Variants in ITPR3 observed in about 807,000 individuals in gnomAD.
ITPR3 encodes the protein inositol 1,4,5-trisphosphate-gated calcium channel ITPR3.
In ITPR3, 173 loss-of-function variants were observed where a neutral mutation model predicts 293.2. That is an observed-to-expected ratio of 0.59 (90% CI 0.52 to 0.67). ITPR3 has a LOEUF of 0.67. Among genes scored for constraint, ITPR3 ranks in the 30% least tolerant of loss-of-function variants. The pLI, the probability that ITPR3 is intolerant of heterozygous loss-of-function variation, is 0.00. For synonymous variants in ITPR3, 1,295 were observed against 1,444.4 expected, an observed-to-expected ratio of 0.90 and a Z score of 2.35; for missense variants, 2,796 against 3,592.1, an observed-to-expected ratio of 0.78 and a Z score of 5.66.
chr6:33,622,177 T>G (rs1763453807), intron 1 of ITPR3, among the ~76,000 whole-genome samples: 1 of 152,156 alleles, frequency 6.6e-6, no homozygotes, highest in Non-Finnish European at 1.5e-5. Flanking sequence ...GCTCTCTCCC[T>G]GTTCTTCCCA....
rs774345255 is a variant in ITPR3 at position 33,667,187 on chromosome 6, G to T, written c.1610G>T (p.Arg537Leu). 6.8e-6 allele frequency: 11 copies of T among 1,614,036 alleles called. 1 individual carries two copies. Among genetic ancestry groups the T allele is most frequent in the Middle Eastern group, 3.3e-4 (2 of 6,076 alleles). Residue 537 changes from arginine to leucine, a missense_variant, in exon 15 of 58, where the codon CGG becomes CTG. Transcript: ENST00000605930. The surrounding 1 kb of genome is among the most constrained non-coding windows in gnomAD (Gnocchi z 4.4). ...REKGGEGPLV[R>L]LEELSDQKNA... ...AAGGGGGGTGAAGGTCCCCTGGTGC[G>T]GCTGGAGGAGCTGTCAGACCAGAAG...
intron 51 of ITPR3, 84 bp from the exon 52 acceptor site, chr6:33,690,833 C>A: frequency 7.7e-7 from 1 of 1,293,400 alleles, no homozygotes; most frequent in Non-Finnish European, 1.1e-6. Flanking sequence ...CCCAGGCAGC[C>A]CTCAGGGTTC....
In ITPR3 at chr6:33,687,211, G is replaced by A. The variant is rs773909361; in HGVS notation, c.6076-15G>A. The A allele has an allele frequency of 6.2e-7, 1 of 1,604,268 alleles. No individual in the cohort carries two copies. Among genetic ancestry groups the A allele is most frequent in the Non-Finnish European group, 8.5e-7 (1 of 1,171,374 alleles). On this transcript the variant is annotated splice_polypyrimidine_tract_variant and intron_variant, in intron 44 of 57. Transcript: ENST00000605930. The surrounding 1 kb of genome is among the most constrained non-coding windows in gnomAD (Gnocchi z 5.3). ...CCCTAGGAAGAGAGCATTGGAACAG[G>A]CACTGCCCCTCCAGGTGGACGTCAT... is the stretch of plus-strand genomic sequence containing the variant.
rs750441691 is a variant in ITPR3, at chr6:33,658,739, G to A, written c.439G>A (p.Ala147Thr). Residue 147 changes from alanine to threonine, a missense_variant, in exon 5 of 58, where the codon GCC becomes ACC. Transcript: ENST00000605930. This position sits in a 1 kb window ranked among gnomAD's most constrained non-coding sequence, Gnocchi z 6.1. ...KRLPALLEKN[A>T]MRVTLDATGN... ...GCTTCCGGCCTTGCTGGAGAAGAAC[G>A]CCATGCGGGTGACTCTGGATGCCAC... 15 of 1,614,184 alleles carry A rather than the reference G, an allele frequency of 9.3e-6. No individual in the cohort carries two copies. In the East Asian group the frequency reaches 2.2e-4, roughly 24 times the overall value.
Position 33,691,786 on chromosome 6 carries a change from A to C in ITPR3, c.7331-15A>C. On this transcript the variant is annotated splice_polypyrimidine_tract_variant and intron_variant, in intron 53 of 57. Transcript: ENST00000605930. This position sits in a 1 kb window ranked among gnomAD's most constrained non-coding sequence, Gnocchi z 4.9. ...GAGCAGGCAGCCCGGGCCTCAGCAC[A>C]CTCTCCGCTTGCAGAGGACAGGGAG... is the stretch of plus-strand genomic sequence containing the variant. The C allele has an allele frequency of 6.2e-7, 1 of 1,612,820 alleles. No individual in the cohort carries two copies. The highest frequency in any genetic ancestry group is 8.5e-7 in the Non-Finnish European group (1 of 1,179,610).
chr6:33,675,677 C>G lies in ITPR3; in HGVS notation c.3117-14C>G. On this transcript the variant is annotated splice_polypyrimidine_tract_variant and intron_variant, in intron 24 of 57. Coordinates refer to ENST00000605930, the MANE Select transcript of ITPR3 (RefSeq NM_002224.4). This position sits in a 1 kb window ranked among gnomAD's most constrained non-coding sequence, Gnocchi z 5.0. The stretch of plus-strand genomic sequence containing the variant: ...CCAGTCTCACCCATGCGCCCTGCAC[C>G]CTTGTGCCCGCAGGAAGACAAGCAG... 1.3e-6 allele frequency: 2 copies of G among 1,586,670 alleles called. No individual in the cohort carries two copies. Among genetic ancestry groups the G allele is most frequent in the South Asian group, 1.2e-5 (1 of 86,108 alleles).
chr6:33,652,667 C>T (rs143745880), intron 2 of ITPR3, among the ~76,000 whole-genome samples: 4,666 of 151,978 alleles, frequency 0.031, 228 homozygotes, highest in African/African-American at 0.099. Context: ...GGTTTCACCA[C>T]GTTGGTCAGG....
Position 33,691,932 on chromosome 6 carries a change from A to C in ITPR3, c.7458+4A>C. The stretch of plus-strand genomic sequence containing the variant: ...TCTCCGCAAGCCCTCCAAAGATGTG[A>C]GCACTCCTGCCCACTCCCAAACCTG... On this transcript the variant is annotated splice_donor_region_variant and intron_variant, in intron 54 of 57. Transcript: ENST00000605930. The surrounding 1 kb of genome is among the most constrained non-coding windows in gnomAD (Gnocchi z 4.9). 1 of 1,613,802 alleles carries C rather than the reference A, an allele frequency of 6.2e-7. No individual in the cohort carries two copies. Among genetic ancestry groups the C allele is most frequent in the Non-Finnish European group, 8.5e-7 (1 of 1,180,002 alleles).
rs1282205200 is a variant in ITPR3, at chr6:33,667,687, G to A, written c.1714-105G>A. 38 of 1,252,154 alleles carry A rather than the reference G, an allele frequency of 3.0e-5. No homozygotes were observed. The highest frequency in any genetic ancestry group is 4.1e-5 in the Non-Finnish European group (37 of 893,312). The allele number at this position is 1,252,154 out of a possible 1,614,324, so 77.6% of individuals were successfully genotyped here. On this transcript the variant is annotated intron_variant, in intron 15 of 57. Transcript: ENST00000605930. The surrounding 1 kb of genome is among the most constrained non-coding windows in gnomAD (Gnocchi z 4.4). ...TTTCCTGGACCTCTGCCTTTCTAGG[G>A]TATTGGGTCCTTACCTCGGGGTTTG...
rs750732458 is a variant in ITPR3, at chr6:33,668,015, G to A, written c.1886+51G>A. ...GGCGCCTGCTCCTCCCTCCTCCCTTGCCTGGGTAGAAACTCTGCTGGTTGT... is the reference window on the plus strand; with the variant it reads ...GGCGCCTGCTCCTCCCTCCTCCCTTACCTGGGTAGAAACTCTGCTGGTTGT... On this transcript the variant is annotated intron_variant, in intron 16 of 57. Coordinates refer to ENST00000605930, the MANE Select transcript of ITPR3 (RefSeq NM_002224.4). 9.4e-6 allele frequency: 15 copies of A among 1,593,800 alleles called. No homozygotes were observed. In the Middle Eastern group the frequency reaches 1.5e-3, roughly 161 times the overall value.
rs775573697 is a variant in ITPR3, at chr6:33,671,274, C to T, written c.2696C>T (p.Pro899Leu). 3 of 1,613,354 alleles carry T rather than the reference C, an allele frequency of 1.9e-6. No individual in the cohort carries two copies. The highest frequency in any genetic ancestry group is 1.3e-5 in the African/African-American group (1 of 74,938). ...LGIIDCVQGPPAMLQAYEDPG... is the reference protein window; with the variant it reads ...LGIIDCVQGPLAMLQAYEDPG... ...ATCATCGACTGTGTGCAGGGGCCCC[C>T]GGCCATGCTGCAGGCCTATGAGGAC... The change falls in exon 21 of 58, where the codon CCG becomes CTG. Residue 899 changes from proline to leucine, a missense_variant. Around this residue, in one of 8 missense-constraint regions of ITPR3, gnomAD observed 955 missense variants for 1,180.8 expected, o/e 0.81. Transcript: ENST00000605930.
Position 33,657,998 on chromosome 6 carries a change from AAGTATGGC to A in ITPR3, c.353_360del (p.Tyr118CysfsTer135), listed in dbSNP as rs746539714. 1.2e-6 allele frequency: 2 copies of A among 1,613,552 alleles called. No individual in the cohort carries two copies. Among genetic ancestry groups the A allele is most frequent in the Non-Finnish European group, 8.5e-7 (1 of 1,179,790 alleles). ...CAAGAAGGTGCATGGGGATGTCGTG[AAGTATGGC>A]AGTGTGATCCAGGTGAGGCTGGCCT... On this transcript the variant is annotated frameshift_variant, in exon 4 of 58. Coordinates refer to ENST00000605930, the MANE Select transcript of ITPR3 (RefSeq NM_002224.4). LOFTEE classifies it high-confidence loss of function.
rs979422985 is a variant in ITPR3 at position 33,680,026 on chromosome 6, G to A, written c.4117G>A (p.Ala1373Thr). Residue 1373 changes from alanine to threonine, a missense_variant, in exon 31 of 58, where the codon GCC becomes ACC. Transcript: ENST00000605930. ...MYHISLVDLL[A>T]ACAEGKNVYT... Reference sequence around the variant, plus strand: ...CCACATTTCCCTGGTGGACCTGCTGGCCGCCTGTGCCGAGGGCAAAAACGT... The same window carrying A: ...CCACATTTCCCTGGTGGACCTGCTGACCGCCTGTGCCGAGGGCAAAAACGT... 6.2e-7 allele frequency: 1 copy of A among 1,613,846 alleles called. No homozygotes were observed. The highest frequency in any genetic ancestry group is 8.5e-7 in the Non-Finnish European group (1 of 1,180,034).
chr6:33,679,209 G>C lies in ITPR3; in HGVS notation c.3972+370G>C, dbSNP rs1266204784. Among the ~76,000 whole-genome samples, 1 of 152,302 alleles carries C rather than the reference G, an allele frequency of 6.6e-6. No individual in the cohort carries two copies. The highest frequency in any genetic ancestry group is 2.1e-4 in the South Asian group (1 of 4,824). ...GGACATCAGCTGAGTGTCAGCTCCT[G>C]GGGGGCACGGGCAGGGACCCCATCC... On this transcript the variant is annotated intron_variant, in intron 30 of 57. Coordinates refer to ENST00000605930, the MANE Select transcript of ITPR3 (RefSeq NM_002224.4). This position sits in a 1 kb window ranked among gnomAD's most constrained non-coding sequence, Gnocchi z 4.2.
chr6:33,665,809 C>G (rs202136296), intron 13 of ITPR3, 26 bp from the exon 14 acceptor site: 3 of 1,611,936 alleles, frequency 1.9e-6, no homozygotes, highest in Non-Finnish European at 2.5e-6. Context: ...ATCTCACACT[C>G]GTCATCCCCG....
Position 33,683,070 on chromosome 6 carries a change from G to T in ITPR3, c.4598-137G>T. On this transcript the variant is annotated intron_variant, in intron 34 of 57. Transcript: ENST00000605930. The surrounding 1 kb of genome is among the most constrained non-coding windows in gnomAD (Gnocchi z 4.5). ...CTCTCAGTCCCTCAAGCATAGGCCGGGGTGGGGGGGGTCTCTGTCTCCCAG... is the reference window on the plus strand; with the variant it reads ...CTCTCAGTCCCTCAAGCATAGGCCGTGGTGGGGGGGGTCTCTGTCTCCCAG... 2 of 537,084 alleles carry T rather than the reference G, an allele frequency of 3.7e-6. No individual in the cohort carries two copies. The allele number at this position is 537,084 out of a possible 1,614,324, so 33.3% of individuals were successfully genotyped here.
chr6:33,689,172 G>A, intron 49 of ITPR3, 66 bp from the exon 50 acceptor site: 3 of 1,572,236 alleles, frequency 1.9e-6, no homozygotes, highest in Non-Finnish European at 2.6e-6. Flanking sequence ...TTCGGCACCT[G>A]TTGGACCTGC....
chr6:33,640,524 G>T lies in ITPR3; in HGVS notation c.130G>T (p.Asp44Tyr). 1.2e-6 allele frequency: 2 copies of T among 1,613,630 alleles called. No individual in the cohort carries two copies. Among genetic ancestry groups the T allele is most frequent in the Non-Finnish European group, 1.7e-6 (2 of 1,179,782 alleles). Residue 44 changes from aspartate (D) to tyrosine (Y), a missense_variant, in exon 2 of 58, where the codon GAC (aspartate) becomes TAC (tyrosine). Around this residue, in one of 8 missense-constraint regions of ITPR3, gnomAD observed 53 missense variants for 45.7 expected, o/e 1.16. Coordinates refer to ENST00000605930, the MANE Select transcript of ITPR3 (RefSeq NM_002224.4). ...CTGTGTGGTGGAGCCCGCGGCCGGGGACCTGGACAACCCCCCTAAGAAGTT... is the reference window on the plus strand; with the variant it reads ...CTGTGTGGTGGAGCCCGCGGCCGGGTACCTGGACAACCCCCCTAAGAAGTT... Reference protein sequence around the residue: ...DRCVVEPAAGDLDNPPKKFRD... With the variant: ...DRCVVEPAAGYLDNPPKKFRD...
intron 1 of ITPR3, among the ~76,000 whole-genome samples, chr6:33,631,876 G>T (rs1255519044): frequency 2.0e-5 from 3 of 152,156 alleles, no homozygotes; most frequent in Non-Finnish European, 4.4e-5. Flanking sequence ...TTCTCACAAT[G>T]TCCCTTCAGC....
Sources: gnomAD v4.1 joint callset for allele counts (sites outside exome capture counted in the v4.1 genomes callset) on GRCh38, gnomAD v4.1.1 for gene constraint, gnomAD v4.1.1 regional missense constraint, Gnocchi (gnomAD v3.1) non-coding constraint, MANE v1.5 for transcripts, NCBI Gene and HGNC (gene_info 2026-07-23, HGNC 2026-07-21) for gene names.